The following GNG12 variants were observed in gnomAD, a reference collection of about 807,000 sequenced individuals.
GNG12 encodes guanine nucleotide-binding protein G(I)/G(S)/G(O) subunit gamma-12.
For missense variants in GNG12, 69 were observed against 83.8 expected (o/e 0.82, Z 0.69); for synonymous variants, 28 against 29.7 (o/e 0.94, Z 0.19).
At chr1:67,792,432 T>A (rs1290316527) in intron 1 of GNG12, among the ~76,000 whole-genome samples, 1 of 152,222 alleles carries the variant, frequency 6.6e-6, no homozygotes, top group South Asian at 2.1e-4. Flanking sequence ...AGATAAGGCA[T>A]GATTTTTAAA....
intron 1 of GNG12, among the ~76,000 whole-genome samples, chr1:67,832,007 G>A (rs1041877709): frequency 1.3e-5 from 2 of 152,172 alleles, no homozygotes; most frequent in African/African-American, 4.8e-5. Flanking sequence ...TTTTAAAATA[G>A]AGAAGGCACA....
intron 2 of GNG12, among the ~76,000 whole-genome samples, chr1:67,764,477 T>C (rs1646624517): frequency 6.6e-6 from 1 of 152,208 alleles, no homozygotes; most frequent in African/African-American, 2.4e-5. Context: ...CAGCGTATTA[T>C]AATTTGTGAA....
chr1:67,817,933 C>T (rs1310644270), intron 1 of GNG12, among the ~76,000 whole-genome samples: 1 of 151,718 alleles, frequency 6.6e-6, no homozygotes, highest in Non-Finnish European at 1.5e-5. Context: ...ACTACAGGCA[C>T]ATACCACTGC....
chr1:67,721,814 G>A (rs2100688909), intron 2 of GNG12, among the ~76,000 whole-genome samples: 1 of 152,266 alleles, frequency 6.6e-6, no homozygotes, highest in South Asian at 2.1e-4. Flanking sequence ...CCTAAACCCA[G>A]ACAACTTGTA....
intron 2 of GNG12, among the ~76,000 whole-genome samples, chr1:67,751,676 T>A (rs1243380784): frequency 6.6e-6 from 1 of 152,208 alleles, no homozygotes; most frequent in African/African-American, 2.4e-5. Flanking sequence ...CGGCCCTTAT[T>A]CCCATTCAAT....
At chr1:67,796,776 A>T (rs776888409) in intron 1 of GNG12, among the ~76,000 whole-genome samples, 1 of 152,186 alleles carries the variant, frequency 6.6e-6, no homozygotes, top group Non-Finnish European at 1.5e-5. Context: ...ATAAAGTAAT[A>T]CTTGAGGCTG....
chr1:67,798,791 T>C (rs917530486), intron 1 of GNG12, among the ~76,000 whole-genome samples: 2 of 151,884 alleles, frequency 1.3e-5, no homozygotes, highest in African/African-American at 4.8e-5. Context: ...CCGTCTCTAC[T>C]AAAATACAAA....
intron 1 of GNG12, among the ~76,000 whole-genome samples, chr1:67,801,295 T>C (rs770307957): frequency 6.6e-6 from 1 of 152,196 alleles, no homozygotes; most frequent in Non-Finnish European, 1.5e-5. Context: ...TCTCACACAG[T>C]GGTCAGCACA....
intron 2 of GNG12, among the ~76,000 whole-genome samples, chr1:67,768,241 T>C (rs927947870): frequency 5.3e-5 from 8 of 152,232 alleles, no homozygotes; most frequent in Admixed American, 3.3e-4. Context: ...GATGCAGAAA[T>C]TGAGGCTTTA....
chr1:67,790,366 T>C (rs1231940305), intron 1 of GNG12, among the ~76,000 whole-genome samples: 2 of 152,144 alleles, frequency 1.3e-5, no homozygotes, highest in East Asian at 1.9e-4. Flanking sequence ...TAGGGAAATA[T>C]ACAAGCATAT....
rs977369276 is a variant in GNG12 at position 67,830,068 on chromosome 1, C to T, written c.-77+3276G>A. ...TTGCCCAGGCTGGAGTGCAATGGCA[C>T]GATCTCGATTCACCGCAACCTCCGC... On this transcript the variant is annotated intron_variant, in intron 1 of 3. Transcript: ENST00000370982. Among the ~76,000 whole-genome samples the T allele has an allele frequency of 8.1e-5, 12 of 148,278 alleles. No homozygotes were observed. The East Asian group carries it at 2.0e-3, about 25-fold the overall frequency.
intron 1 of GNG12, among the ~76,000 whole-genome samples, chr1:67,807,135 T>C (rs1319199203): frequency 6.6e-6 from 1 of 152,116 alleles, no homozygotes; most frequent in Non-Finnish European, 1.5e-5. Context: ...AACAGAAAGA[T>C]AACTTGAAAA....
chr1:67,760,497 ATG>A (rs1646596317), intron 2 of GNG12, among the ~76,000 whole-genome samples: 1 of 152,120 alleles, frequency 6.6e-6, no homozygotes, highest in Non-Finnish European at 1.5e-5. Flanking sequence ...TGGACGGGTG[ATG>A]TGTGTCTTTA....
rs555236083 is a variant in GNG12, at chr1:67,748,897, G to T, written c.-27+28561C>A. The stretch of plus-strand genomic sequence containing the variant: ...TTCTGTTTCTCCCACTCATTACCAC[G>T]CATTCTTCCATAACACATGTGAAGT... On this transcript the variant is annotated intron_variant, in intron 2 of 3. Coordinates refer to ENST00000370982, the MANE Select transcript of GNG12 (RefSeq NM_018841.6). Among the ~76,000 whole-genome samples, 53 of 151,846 alleles carry T rather than the reference G, an allele frequency of 3.5e-4. 2 individuals carry two copies. In the South Asian group the frequency reaches 0.01, roughly 29 times the overall value.
intron 1 of GNG12, among the ~76,000 whole-genome samples, chr1:67,803,864 C>A (rs915687318): frequency 2.0e-5 from 3 of 152,066 alleles, no homozygotes; most frequent in African/African-American, 7.2e-5. Flanking sequence ...TGCTACACAG[C>A]AAGTGTACCA....
At chr1:67,722,304 G>T (rs933839888) in intron 2 of GNG12, among the ~76,000 whole-genome samples, 1 of 152,126 alleles carries the variant, frequency 6.6e-6, no homozygotes, top group Non-Finnish European at 1.5e-5. Flanking sequence ...GAGAGAAAAA[G>T]GCTGAGAAAG....
At chr1:67,736,000 C>T (rs1207632011) in intron 2 of GNG12, among the ~76,000 whole-genome samples, 2 of 150,870 alleles carry the variant, frequency 1.3e-5, no homozygotes, top group Non-Finnish European at 2.9e-5. Flanking sequence ...AGGTGCTGAC[C>T]CCCTCTGCAC....
At chr1:67,743,191 T>A (rs925055348) in intron 2 of GNG12, among the ~76,000 whole-genome samples, 1 of 152,130 alleles carries the variant, frequency 6.6e-6, no homozygotes, top group Non-Finnish European at 1.5e-5. Context: ...CCTAGGAGAA[T>A]AGGAGTAGGG....
chr1:67,807,935 A>G (rs899994810), intron 1 of GNG12, among the ~76,000 whole-genome samples: 4 of 152,184 alleles, frequency 2.6e-5, no homozygotes, highest in Non-Finnish European at 5.9e-5. Context: ...AGACAGAAGC[A>G]GACAGAATAC....
Sources: gnomAD v4.1 joint callset for allele counts (sites outside exome capture counted in the v4.1 genomes callset) on GRCh38, gnomAD v4.1.1 for gene constraint, MANE v1.5 for transcripts, NCBI Gene and HGNC (gene_info 2026-07-23, HGNC 2026-07-21) for gene names.